The following INPP4A variants were observed in gnomAD, a reference collection of about 807,000 sequenced individuals.
The protein encoded by INPP4A is inositol polyphosphate-4-phosphatase type I A, also known as inositol polyphosphate-4-phosphatase, type I, 107kD.
Under a neutral mutation model 119.8 loss-of-function variants are expected in INPP4A, and 33 were observed. That is an observed-to-expected ratio of 0.28 (90% CI 0.21 to 0.37). The LOEUF (loss-of-function observed/expected upper bound fraction) is 0.37, where lower values mean the gene tolerates loss of function less well. Ranked by LOEUF, INPP4A falls within the 10% of genes least tolerant of loss-of-function variation. INPP4A has a pLI of 1.00. For synonymous variants in INPP4A, 496 were observed against 500.7 expected (o/e 0.99, Z 0.12); for missense variants, 956 against 1,289.9 (o/e 0.74, Z 3.97).
chr2:98,520,011 G>A lies in INPP4A; in HGVS notation c.-38G>A, dbSNP rs1325830351. 1 of 1,521,036 alleles carries A rather than the reference G, an allele frequency of 6.6e-7. No homozygotes were observed. Among genetic ancestry groups the A allele is most frequent in the Non-Finnish European group, 9.0e-7 (1 of 1,117,252 alleles). 94.2% of individuals were successfully genotyped at this position (1,521,036 alleles called of 1,614,324 possible). On this transcript the variant is annotated 5_prime_UTR_variant, in exon 3 of 25. Coordinates refer to ENST00000409851, the MANE Select transcript of INPP4A (RefSeq NM_001134225.2). ...CTTCCCGGGTAATCAGGCGTGGTCTGACCGAGGATCAAGAAGCACATCATC... is the reference window on the plus strand; with the variant it reads ...CTTCCCGGGTAATCAGGCGTGGTCTAACCGAGGATCAAGAAGCACATCATC...
chr2:98,543,866 C>T lies in INPP4A; in HGVS notation c.819-11C>T, dbSNP rs748026074. ...AGCCCACAGCCTGATGCATCTGTGT[C>T]TTGCTTTCAGAGTGTGTGAGCTGGA... On this transcript the variant is annotated splice_polypyrimidine_tract_variant and intron_variant, in intron 10 of 24. Transcript: ENST00000409851. 2.1e-4 allele frequency: 346 copies of T among 1,613,506 alleles called. No homozygotes were observed. Among genetic ancestry groups the T allele is most frequent in the Non-Finnish European group, 2.8e-4 (330 of 1,179,668 alleles).
At chr2:98,577,415 A>G (rs1043546553) in intron 24 of INPP4A, among the ~76,000 whole-genome samples, 2 of 152,262 alleles carry the variant, frequency 1.3e-5, no homozygotes, top group African/African-American at 4.8e-5. Flanking sequence ...GCCACGGGTC[A>G]GGCAGCTAAA....
intron 7 of INPP4A, among the ~76,000 whole-genome samples, 154 bp from the exon 8 acceptor site, chr2:98,537,709 C>T (rs1219545706): frequency 1.3e-5 from 2 of 152,218 alleles, no homozygotes; most frequent in African/African-American, 4.8e-5. Context: ...CTGAGAGGAG[C>T]CCTGTGTGCA....
chr2:98,491,443 A>T (rs1219284203), intron 1 of INPP4A, among the ~76,000 whole-genome samples: 1 of 152,168 alleles, frequency 6.6e-6, no homozygotes, highest in Non-Finnish European at 1.5e-5. Flanking sequence ...CGTCTGGATG[A>T]TGTGGTTTCC....
At chr2:98,448,607 T>C (rs1377679637) in intron 1 of INPP4A, among the ~76,000 whole-genome samples, 1 of 152,104 alleles carries the variant, frequency 6.6e-6, no homozygotes, top group Admixed American at 6.5e-5. Context: ...ATGCCCTCAA[T>C]TGGGTTTCCT....
rs956938681 is a variant in INPP4A at position 98,566,818 on chromosome 2, C to T, written c.2420+649C>T. ...ATAGGGTAGATTGGGTATATGTACC[C>T]TTTACTGGCCTTCCACTAGTACATG... On this transcript the variant is annotated intron_variant, in intron 21 of 24. Coordinates refer to ENST00000409851, the MANE Select transcript of INPP4A (RefSeq NM_001134225.2). The surrounding 1 kb of genome is among the most constrained non-coding windows in gnomAD (Gnocchi z 4.2). Among the ~76,000 whole-genome samples the T allele has an allele frequency of 1.3e-5, 2 of 152,188 alleles. No individual in the cohort carries two copies. Among genetic ancestry groups the T allele is most frequent in the Non-Finnish European group, 1.5e-5 (1 of 68,040 alleles).
At chr2:98,553,641 G>A (rs1039960252) in intron 14 of INPP4A, among the ~76,000 whole-genome samples, 1 of 152,114 alleles carries the variant, frequency 6.6e-6, no homozygotes. Context: ...CTGTTGAGCT[G>A]CTGTTCCTGA....
rs554696015 is a variant in INPP4A, at chr2:98,466,872, C to T, written c.-166+21787C>T. 3.3e-5 allele frequency among the ~76,000 whole-genome samples: 5 copies of T among 152,334 alleles called. No homozygotes were observed. The East Asian group carries it at 9.6e-4, about 29-fold the overall frequency. On this transcript the variant is annotated intron_variant, in intron 1 of 24. Transcript: ENST00000409851. The stretch of plus-strand genomic sequence containing the variant: ...CACCAGGCTTCTGAATGCCGAGTTT[C>T]TTAGAGTAGCCGGGAAAGGGCCTTT...
intron 24 of INPP4A, among the ~76,000 whole-genome samples, chr2:98,583,136 A>G (rs1045640763): frequency 1.3e-5 from 2 of 152,276 alleles, no homozygotes; most frequent in Admixed American, 6.5e-5. Flanking sequence ...TGTAAGGATC[A>G]TTCAGCTGGT....
At chr2:98,511,309 T>G (rs1277381941) in intron 1 of INPP4A, among the ~76,000 whole-genome samples, 1 of 152,216 alleles carries the variant, frequency 6.6e-6, no homozygotes, top group Non-Finnish European at 1.5e-5. Context: ...CTGCCTGCCT[T>G]GGCCTCCCAA....
Position 98,485,828 on chromosome 2 carries a change from G to A in INPP4A, c.-165-33136G>A, listed in dbSNP as rs150444622. Among the ~76,000 whole-genome samples the A allele has an allele frequency of 4.4e-3, 670 of 152,266 alleles. 7 individuals carry two copies. Among genetic ancestry groups the A allele is most frequent in the Middle Eastern group, 0.027 (8 of 294 alleles). On this transcript the variant is annotated intron_variant, in intron 1 of 24. Coordinates refer to ENST00000409851, the MANE Select transcript of INPP4A (RefSeq NM_001134225.2). ...AAAATAGACATCTATTTGAAATATC[G>A]TGTCTAAAGTACTAAAATATTGCTG...
rs1694166620 is a variant in INPP4A at position 98,554,847 on chromosome 2, A to T, written c.1566+358A>T. On this transcript the variant is annotated intron_variant, in intron 15 of 24. Coordinates refer to ENST00000409851, the MANE Select transcript of INPP4A (RefSeq NM_001134225.2). The surrounding 1 kb of genome is among the most constrained non-coding windows in gnomAD (Gnocchi z 4.7). ...CAGTCAGTGCTCTGTTTGCTGTTAG[A>T]TTTTCCAGGGCTATGTGTATTTGGG... 6.6e-6 allele frequency among the ~76,000 whole-genome samples: 1 copy of T among 151,842 alleles called. No homozygotes were observed. The highest frequency in any genetic ancestry group is 2.4e-5 in the African/African-American group (1 of 41,304).
At chr2:98,564,823 T>C in intron 19 of INPP4A, 60 bp downstream of exon 19, 1 of 1,501,208 alleles carries the variant, frequency 6.7e-7, no homozygotes. Context: ...CATCCTTTCT[T>C]GCTAGGCACT....
rs950252411 is a variant in INPP4A, at chr2:98,570,633, C to T, written c.2518+1965C>T. Among the ~76,000 whole-genome samples the T allele has an allele frequency of 2.0e-5, 3 of 152,108 alleles. No homozygotes were observed. Among genetic ancestry groups the T allele is most frequent in the East Asian group, 1.9e-4 (1 of 5,168 alleles). On this transcript the variant is annotated intron_variant, in intron 22 of 24. Transcript: ENST00000409851. This position sits in a 1 kb window ranked among gnomAD's most constrained non-coding sequence, Gnocchi z 4.3. ...GGGGCCATGGGAGTGCTCAAAGGTC[C>T]GAGGGAAGGAGAACACACAGGGCTG...
intron 10 of INPP4A, 81 bp from the exon 11 acceptor site, chr2:98,543,796 T>G (rs1340871229): frequency 6.5e-7 from 1 of 1,547,306 alleles, no homozygotes; most frequent in African/African-American, 1.4e-5. Context: ...CTGCAAATGC[T>G]GTTGTCCTGG....
intron 24 of INPP4A, 80 bp downstream of exon 24, chr2:98,577,223 C>G (rs1698572382): frequency 2.9e-6 from 4 of 1,403,180 alleles, no homozygotes; most frequent in African/African-American, 1.4e-5. Flanking sequence ...CTGCTCCTGC[C>G]TGCAGGGCCT....
chr2:98,464,895 A>G (rs1674426227), intron 1 of INPP4A, among the ~76,000 whole-genome samples: 1 of 152,218 alleles, frequency 6.6e-6, no homozygotes. Context: ...GACGATACAC[A>G]CGAAGGAGCT....
chr2:98,464,044 T>A (rs539668012), intron 1 of INPP4A, among the ~76,000 whole-genome samples: 1 of 152,346 alleles, frequency 6.6e-6, no homozygotes, highest in Admixed American at 6.5e-5. Flanking sequence ...ATGGCTGTTT[T>A]TAGGAAGTGA....
At chr2:98,449,229 A>G in intron 1 of INPP4A, among the ~76,000 whole-genome samples, 1 of 152,186 alleles carries the variant, frequency 6.6e-6, no homozygotes, top group East Asian at 1.9e-4. Flanking sequence ...GAATTCATTG[A>G]TGTTTCTTAC....
Sources: gnomAD v4.1 joint callset for allele counts (sites outside exome capture counted in the v4.1 genomes callset) on GRCh38, gnomAD v4.1.1 for gene constraint, Gnocchi (gnomAD v3.1) non-coding constraint, MANE v1.5 for transcripts, NCBI Gene and HGNC (gene_info 2026-07-23, HGNC 2026-07-21) for gene names.